The following SOX5 variants were observed in gnomAD, a reference collection of about 807,000 sequenced individuals.
SOX5 encodes transcription factor SOX-5.
In SOX5, 9 loss-of-function variants were observed where a neutral mutation model predicts 92.0. The observed-to-expected ratio is 0.10, with a 90% CI of 0.06 to 0.17. The LOEUF (loss-of-function observed/expected upper bound fraction) is 0.17. SOX5 is among the 10% of genes least tolerant of loss of function. SOX5 has a pLI of 1.00. For synonymous variants in SOX5, 344 were observed against 336.3 expected (o/e 1.02, Z -0.25); for missense variants, 642 against 944.5 (o/e 0.68, Z 4.20).
At chr12:24,341,576 T>C (rs542593797) in intron 2 of SOX5, among the ~76,000 whole-genome samples, 98 of 152,390 alleles carry the variant, frequency 6.4e-4, no homozygotes, top group African/African-American at 2.1e-3. Context: ...TAAATAATGG[T>C]TGCTTTCAGA....
intron 1 of SOX5, among the ~76,000 whole-genome samples, chr12:24,390,499 T>A (rs1224905626): frequency 6.6e-6 from 1 of 152,186 alleles, no homozygotes; most frequent in African/African-American, 2.4e-5. Context: ...TGCATAGTGA[T>A]GAAGTCTGGG....
rs74514655 is a variant in SOX5, at chr12:24,399,071, G to T, written c.-250-30432C>A. On this transcript the variant is annotated intron_variant, in intron 1 of 4. Coordinates refer to the SOX5 transcript ENST00000446891. ...CCTTTTTTGGACCCCCACCAAAAAC[G>T]GCCACGGTCTTTCCAATGCCACCCC... Among the ~76,000 whole-genome samples the T allele has an allele frequency of 6.1e-3, 926 of 152,204 alleles. 6 individuals are homozygous for T. The highest frequency in any genetic ancestry group is 0.01 in the Non-Finnish European group (707 of 67,998).
chr12:23,879,479 C>T (rs1382860676), intron 2 of SOX5, among the ~76,000 whole-genome samples: 2 of 152,088 alleles, frequency 1.3e-5, no homozygotes, highest in Admixed American at 1.3e-4. Flanking sequence ...TTTGAAATAA[C>T]CCCATGTGTA....
At chr12:24,191,067 G>A (rs886638079) in intron 4 of SOX5, among the ~76,000 whole-genome samples, 31 of 152,172 alleles carry the variant, frequency 2.0e-4, no homozygotes, top group African/African-American at 7.0e-4. Context: ...ACTCAAGGGA[G>A]TGGCTGGGAC....
chr12:24,360,606 C>T (rs948731350), intron 2 of SOX5, among the ~76,000 whole-genome samples: 3 of 152,112 alleles, frequency 2.0e-5, no homozygotes, highest in Non-Finnish European at 4.4e-5. Context: ...TATGCAGCCT[C>T]GAGGTTTTTT....
chr12:24,125,558 G>A (rs1012577899), intron 4 of SOX5, among the ~76,000 whole-genome samples: 8 of 152,058 alleles, frequency 5.3e-5, no homozygotes, highest in Non-Finnish European at 1.0e-4. Flanking sequence ...AACTCTCTTG[G>A]ACACGATCTC....
chr12:23,990,209 T>C (rs1950439992), intron 4 of SOX5, among the ~76,000 whole-genome samples: 1 of 152,176 alleles, frequency 6.6e-6, no homozygotes. Context: ...GTCTCTGTCT[T>C]ATTTTCATCT....
At chr12:24,424,125 C>G (rs1966345389) in intron 1 of SOX5, among the ~76,000 whole-genome samples, 1 of 152,128 alleles carries the variant, frequency 6.6e-6, no homozygotes, top group Non-Finnish European at 1.5e-5. Context: ...ATTTCAGGGG[C>G]AAATAGCAAA....
intron 11 of SOX5, among the ~76,000 whole-genome samples, chr12:23,548,969 A>G (rs1818167883): frequency 6.6e-6 from 1 of 151,834 alleles, no homozygotes; most frequent in South Asian, 2.1e-4. Context: ...AATCTCTCCT[A>G]CTCTATCCTT....
intron 3 of SOX5, among the ~76,000 whole-genome samples, chr12:24,236,479 T>C (rs1249106998): frequency 6.6e-6 from 1 of 152,212 alleles, no homozygotes; most frequent in Non-Finnish European, 1.5e-5. Flanking sequence ...TGTTGCAAGC[T>C]AGCATGGAAG....
At chr12:23,651,012 A>G (rs2081492986) in intron 7 of SOX5, among the ~76,000 whole-genome samples, 1 of 152,080 alleles carries the variant, frequency 6.6e-6, no homozygotes, top group South Asian at 2.1e-4. Flanking sequence ...ATGAAGTAAA[A>G]GAAAAAAGAA....
chr12:24,380,269 AC>A (rs1257084245), intron 1 of SOX5, among the ~76,000 whole-genome samples: 1 of 152,210 alleles, frequency 6.6e-6, no homozygotes, highest in Non-Finnish European at 1.5e-5. Flanking sequence ...CTCATTGTTT[AC>A]CAAGCTGCCA....
At chr12:24,452,444 A>G (rs760577567) in intron 1 of SOX5, among the ~76,000 whole-genome samples, 5 of 152,254 alleles carry the variant, frequency 3.3e-5, no homozygotes, top group Middle Eastern at 3.4e-3. Flanking sequence ...ACTGGCCACT[A>G]ATGCCACCTC....
chr12:24,346,250 A>C (rs897392322), intron 2 of SOX5, among the ~76,000 whole-genome samples: 4 of 152,198 alleles, frequency 2.6e-5, no homozygotes, highest in Non-Finnish European at 5.9e-5. Context: ...ATGTGGTAAG[A>C]AAAGTCAGAT....
At chr12:23,834,433 T>C (rs2096380671) in intron 3 of SOX5, among the ~76,000 whole-genome samples, 1 of 151,894 alleles carries the variant, frequency 6.6e-6, no homozygotes, top group Admixed American at 6.6e-5. Flanking sequence ...CACGAGCAAA[T>C]CAGTAAGCCT....
intron 2 of SOX5, among the ~76,000 whole-genome samples, chr12:24,324,706 T>A (rs1158294471): frequency 6.6e-6 from 1 of 152,118 alleles, no homozygotes; most frequent in African/African-American, 2.4e-5. Flanking sequence ...TTAGGAAACT[T>A]ACCTAACTTC....
chr12:23,881,465 C>T (rs2096989058), intron 2 of SOX5, among the ~76,000 whole-genome samples: 1 of 152,200 alleles, frequency 6.6e-6, no homozygotes, highest in Non-Finnish European at 1.5e-5. Flanking sequence ...AATACACACC[C>T]TCTCACAAAC....
rs368755973 is a variant in SOX5, at chr12:24,018,522, G to A, written c.-1-122498C>T. On this transcript the variant is annotated intron_variant, in intron 4 of 4. Coordinates refer to the SOX5 transcript ENST00000446891. ...TTTATAAGAGCAGAGCTGGCTGGGC[G>A]TGGTGGCTCATACCTGTAATCCCAG... Among the ~76,000 whole-genome samples the A allele has an allele frequency of 7.4e-4, 113 of 152,168 alleles. 2 individuals carry two copies. In the South Asian group the frequency reaches 0.014, roughly 19 times the overall value.
chr12:23,937,135 T>C (rs541484024), intron 1 of SOX5, among the ~76,000 whole-genome samples: 2 of 151,112 alleles, frequency 1.3e-5, no homozygotes, highest in South Asian at 4.1e-4. Context: ...TTCTAATAGC[T>C]TGATTTTCCT....
Sources: allele counts gnomAD v4.1 joint callset (sites outside exome capture counted in the v4.1 genomes callset), GRCh38; gene constraint gnomAD v4.1.1; transcripts MANE v1.5; gene names NCBI Gene and HGNC (gene_info 2026-07-23, HGNC 2026-07-21).